The following BMPER variants were observed in gnomAD, a reference collection of about 807,000 sequenced individuals.
BMPER encodes BMP-binding endothelial regulator protein.
Under a neutral mutation model 87.3 loss-of-function variants are expected in BMPER, and 45 were observed. The observed-to-expected ratio is 0.52, with a 90% CI of 0.41 to 0.66. BMPER has a LOEUF of 0.66. BMPER is among the 30% of genes least tolerant of loss of function. The pLI is 0.00. For missense variants in BMPER, 784 were observed against 867.5 expected (o/e 0.90, Z 1.21); for synonymous variants, 326 against 316.2 (o/e 1.03, Z -0.33).
chr7:34,122,140 T>C (rs1033310177), intron 13 of BMPER, among the ~76,000 whole-genome samples: 1 of 152,000 alleles, frequency 6.6e-6, no homozygotes, highest in Non-Finnish European at 1.5e-5. Context: ...AAATCTGTTC[T>C]AGACTACTGC....
chr7:33,979,154 T>C (rs1785773022), intron 6 of BMPER, among the ~76,000 whole-genome samples: 2 of 152,114 alleles, frequency 1.3e-5, no homozygotes, highest in African/African-American at 2.4e-5. Context: ...TGTATGCGTA[T>C]ATGTGCATAC....
intron 6 of BMPER, among the ~76,000 whole-genome samples, chr7:34,044,189 T>C (rs1250104121): frequency 1.3e-5 from 2 of 152,240 alleles, no homozygotes; most frequent in Admixed American, 6.5e-5. Context: ...AGTTGTATTA[T>C]GTATGCAAAA....
At chr7:33,909,680 CA>C (rs60327948) in intron 2 of BMPER, among the ~76,000 whole-genome samples, 8,283 of 53,456 alleles carry the variant, frequency 0.15, 225 homozygotes, top group South Asian at 0.18. Context: ...ATAACATGTA[CA>C]AAAAAAAAAA....
At chr7:33,957,071 C>T (rs981158843) in intron 3 of BMPER, among the ~76,000 whole-genome samples, 2 of 152,080 alleles carry the variant, frequency 1.3e-5, no homozygotes, top group Admixed American at 6.6e-5. Flanking sequence ...CCACATGACC[C>T]AGTAATTGCA....
At chr7:33,946,427 A>T (rs1240738811) in intron 3 of BMPER, among the ~76,000 whole-genome samples, 1 of 152,206 alleles carries the variant, frequency 6.6e-6, no homozygotes, top group Non-Finnish European at 1.5e-5. Flanking sequence ...ATGCGTTTTT[A>T]TGAACAAGTA....
At chr7:34,091,261 G>GA (rs1029704097) in intron 13 of BMPER, among the ~76,000 whole-genome samples, 1 of 152,144 alleles carries the variant, frequency 6.6e-6, no homozygotes, top group Non-Finnish European at 1.5e-5. Flanking sequence ...TTGTGTATGA[G>GA]AAAAATCATA....
intron 2 of BMPER, among the ~76,000 whole-genome samples, chr7:33,915,594 CTCTCTGAGCCTTCA>C (rs1784072923): frequency 6.6e-6 from 1 of 152,116 alleles, no homozygotes; most frequent in African/African-American, 2.4e-5. Context: ...ACACCTTACC[CTCTCTGAGCCTTCA>C]TTGTGAAGTC....
At chr7:34,046,246 T>A (rs1787961162) in intron 6 of BMPER, 60 bp from the exon 7 acceptor site, 1 of 1,503,884 alleles carries the variant, frequency 6.6e-7, no homozygotes, top group Admixed American at 1.7e-5. Flanking sequence ...GATATCTTGG[T>A]TGTACAATCT....
intron 2 of BMPER, among the ~76,000 whole-genome samples, chr7:33,936,769 A>AT (rs1784613007): frequency 6.6e-6 from 1 of 152,044 alleles, no homozygotes. Flanking sequence ...GTAGAATATT[A>AT]TTTTTTCTTT....
At chr7:34,042,868 T>A (rs1242077527) in intron 6 of BMPER, 2 of 152,112 alleles carry the variant, frequency 1.3e-5, no homozygotes, top group Admixed American at 1.3e-4. Flanking sequence ...GTGCCAAAAA[T>A]TATGTATTTG....
chr7:34,132,094 T>C (rs1438212918), intron 13 of BMPER, among the ~76,000 whole-genome samples: 1 of 151,968 alleles, frequency 6.6e-6, no homozygotes, highest in Admixed American at 6.6e-5. Context: ...ACAATTGAGG[T>C]TCAATCTTGG....
intron 6 of BMPER, among the ~76,000 whole-genome samples, chr7:33,990,952 C>G (rs1396817931): frequency 1.6e-5 from 2 of 126,626 alleles, no homozygotes; most frequent in African/African-American, 3.0e-5. Flanking sequence ...AGCCTTGCAT[C>G]CCAGGGATGA....
chr7:34,033,651 A>G (rs550220653), intron 6 of BMPER, among the ~76,000 whole-genome samples: 109 of 152,324 alleles, frequency 7.2e-4, no homozygotes, highest in African/African-American at 2.5e-3. Flanking sequence ...TTCCCCTTCA[A>G]TACTGGTCTT....
chr7:34,006,799 CA>C (rs1404608124), intron 6 of BMPER, among the ~76,000 whole-genome samples: 1 of 151,994 alleles, frequency 6.6e-6, no homozygotes, highest in African/African-American at 2.4e-5. Context: ...ATTTGGTGGC[CA>C]TAGTTTGATC....
Position 33,976,420 on chromosome 7 carries a change from T to C in BMPER, c.576+1636T>C, listed in dbSNP as rs141647156. ...TACCCACCTCAGCCTCCCAAAGTGC[T>C]GGGATTACAGGTGTGAGCCGCTATG... On this transcript the variant is annotated intron_variant, in intron 6 of 14. Coordinates refer to ENST00000649409, the MANE Select transcript of BMPER (RefSeq NM_001365308.1). 8.7e-3 allele frequency among the ~76,000 whole-genome samples: 1,323 copies of C among 151,464 alleles called. 17 individuals carry two copies. The highest frequency in any genetic ancestry group is 0.03 in the African/African-American group (1,251 of 41,526).
intron 1 of BMPER, 21 bp downstream of exon 1, chr7:33,905,767 G>GGGGGGGGGGGGGGC: frequency 1.1e-6 from 1 of 914,086 alleles, no homozygotes; most frequent in Non-Finnish European, 1.7e-6. Context: ...GGGCGGGAGG[G>GGGGGGGGGGGGGGC]ACCGGCCCTC....
At chr7:33,975,848 C>T (rs1785673020) in intron 6 of BMPER, among the ~76,000 whole-genome samples, 1 of 152,084 alleles carries the variant, frequency 6.6e-6, no homozygotes, top group Non-Finnish European at 1.5e-5. Flanking sequence ...ATCTTTCCTC[C>T]TTCCCTCAGC....
chr7:33,926,439 A>G (rs1784364289), intron 2 of BMPER, among the ~76,000 whole-genome samples: 2 of 152,220 alleles, frequency 1.3e-5, no homozygotes, highest in South Asian at 4.1e-4. Flanking sequence ...AAAAATGGGC[A>G]CATGTTGTGA....
Position 34,153,736 on chromosome 7 carries a change from TTTC to T in BMPER, c.*464_*466del, listed in dbSNP as rs1791244050. 5.5e-6 allele frequency: 1 copy of T among 182,140 alleles called. No individual in the cohort carries two copies. The highest frequency in any genetic ancestry group is 1.2e-5 in the Non-Finnish European group (1 of 85,298). The allele number at this position is 182,140 out of a possible 1,614,324, so 11.3% of individuals were successfully genotyped here. A position where few individuals can be genotyped will look rare whatever the true frequency, so the allele number is the denominator to read the frequency against. On this transcript the variant is annotated 3_prime_UTR_variant, in exon 15 of 15. Coordinates refer to ENST00000649409, the MANE Select transcript of BMPER (RefSeq NM_001365308.1). ...AGAAGGGCACATTTATCTAGGGGCA[TTTC>T]AGGTTTCCAAAGAAAGGAATGTATG...
Sources: gnomAD v4.1 joint callset for allele counts (sites outside exome capture counted in the v4.1 genomes callset) on GRCh38, gnomAD v4.1.1 for gene constraint, MANE v1.5 for transcripts, NCBI Gene and HGNC (gene_info 2026-07-23, HGNC 2026-07-21) for gene names.